FN3K: variants seen among roughly 807,000 people sequenced by gnomAD.
The protein encoded by FN3K is fructosamine 3 kinase.
FN3K carries 24 observed loss-of-function variants against 24.8 expected under a neutral mutation model. The ratio of observed to expected loss-of-function variants is 0.97; its 90% CI spans 0.70 to 1.36. The LOEUF is 1.36. Among genes scored for constraint, FN3K ranks in the 40% most tolerant of loss-of-function variants. The pLI is 0.00. For missense variants in FN3K, 449 were observed against 416.7 expected (o/e 1.08, Z -0.67); for synonymous variants, 192 against 175.2 (o/e 1.10, Z -0.76).
At chr17:82,742,181 A>T (rs769642957) in intron 4 of FN3K, among the ~76,000 whole-genome samples, 1 of 152,148 alleles carries the variant, frequency 6.6e-6, no homozygotes, top group Non-Finnish European at 1.5e-5. Flanking sequence ...CTGGGATTAC[A>T]GGCACGAGCC....
Position 82,750,676 on chromosome 17 carries a change from A to G in FN3K, c.851A>G (p.Asn284Ser). The change falls in exon 6 of 6, where the codon AAC becomes AGC. Residue 284 changes from asparagine to serine, a missense_variant. Transcript: ENST00000300784. Reference sequence around the variant, plus strand: ...CGGCTGCTGCTCTACCAGCTGTTTAACTACCTGAACCACTGGAACCACTTC... The same window carrying G: ...CGGCTGCTGCTCTACCAGCTGTTTAGCTACCTGAACCACTGGAACCACTTC... The part of the protein sequence containing the change: ...DQRLLLYQLF[N>S]YLNHWNHFGR... 6.2e-7 allele frequency: 1 copy of G among 1,613,830 alleles called. No homozygotes were observed. Among genetic ancestry groups the G allele is most frequent in the Middle Eastern group, 1.6e-4 (1 of 6,062 alleles).
intron 2 of FN3K, 74 bp downstream of exon 2, chr17:82,738,714 A>G (rs1239284054): frequency 1.3e-6 from 2 of 1,577,588 alleles, no homozygotes; most frequent in Non-Finnish European, 1.7e-6. Flanking sequence ...AGAGAGAGAC[A>G]GAGAAAGGGA....
chr17:82,736,861 C>T (rs1568066682), intron 1 of FN3K, among the ~76,000 whole-genome samples: 1 of 152,234 alleles, frequency 6.6e-6, no homozygotes, highest in Non-Finnish European at 1.5e-5. Flanking sequence ...AGGCTTCCCA[C>T]GGGCTCTGGG....
intron 2 of FN3K, among the ~76,000 whole-genome samples, chr17:82,739,766 T>C (rs543123479): frequency 1.4e-4 from 21 of 152,238 alleles, no homozygotes; most frequent in African/African-American, 4.8e-4. Context: ...CTAATTTTTG[T>C]ATTTTTAGTA....
At chr17:82,735,821 G>A (rs2046897231) in intron 1 of FN3K, 44 bp downstream of exon 1, 5 of 1,532,974 alleles carry the variant, frequency 3.3e-6, no homozygotes, top group Non-Finnish European at 4.4e-6. Context: ...GTCTCTGCGG[G>A]GCCTGGGAAG....
intron 1 of FN3K, 174 bp from the exon 2 acceptor site, chr17:82,738,315 A>AG: frequency 1.5e-6 from 1 of 682,044 alleles, no homozygotes. Context: ...CTCGTCTCCG[A>AG]CGGGGGGCCC....
At chr17:82,738,925 C>CGTATAT (rs1261335715) in intron 2 of FN3K, among the ~76,000 whole-genome samples, 1 of 104,094 alleles carries the variant, frequency 9.6e-6, no homozygotes, top group African/African-American at 4.1e-5. Context: ...TATATATACA[C>CGTATAT]ATATATATAT....
In FN3K at chr17:82,740,780, G is replaced by C; in HGVS notation, c.311G>C (p.Gly104Ala). The change falls in exon 3 of 6, where the codon GGA becomes GCA. Residue 104 changes from glycine to alanine, a missense_variant. Transcript: ENST00000300784. Reference protein sequence around the residue: ...KSLSSQASKLGEQMADLHLYN... With the variant: ...KSLSSQASKLAEQMADLHLYN... The stretch of plus-strand genomic sequence containing the variant: ...TTCCTCAGTCAAGCATCAAAACTTG[G>C]AGAGCAGATGGCAGATTTGCATCTT... 6.2e-7 allele frequency: 1 copy of C among 1,613,500 alleles called. No individual in the cohort carries two copies. Among genetic ancestry groups the C allele is most frequent in the Non-Finnish European group, 8.5e-7 (1 of 1,179,582 alleles).
At chr17:82,739,156 T>C (rs2046925935) in intron 2 of FN3K, among the ~76,000 whole-genome samples, 1 of 151,498 alleles carries the variant, frequency 6.6e-6, no homozygotes, top group Non-Finnish European at 1.5e-5. Flanking sequence ...CCATGTTGGC[T>C]GAGTTGGTCT....
intron 2 of FN3K, among the ~76,000 whole-genome samples, chr17:82,738,845 G>C (rs952684284): frequency 6.7e-6 from 1 of 150,272 alleles, no homozygotes; most frequent in Non-Finnish European, 1.5e-5. Context: ...GAGATAAAAA[G>C]TTACTGCTTT....
At chr17:82,750,354 G>A in intron 5 of FN3K, 63 bp from the exon 6 acceptor site, 2 of 1,439,062 alleles carry the variant, frequency 1.4e-6, no homozygotes, top group Non-Finnish European at 2.0e-6. Context: ...TTATTTCCAA[G>A]AACGAGGTGA....
At chr17:82,743,910 G>A (rs2046954490) in intron 4 of FN3K, among the ~76,000 whole-genome samples, 3 of 152,238 alleles carry the variant, frequency 2.0e-5, no homozygotes, top group African/African-American at 4.8e-5. Context: ...GGGTAGCTTG[G>A]AGGATCACAG....
chr17:82,738,246 C>T (rs747957428), intron 1 of FN3K: 1 of 545,400 alleles, frequency 1.8e-6, no homozygotes. Context: ...CCTCCTGTCA[C>T]AGCAGCCTGC....
intron 1 of FN3K, chr17:82,737,722 T>C (rs940269402): frequency 6.6e-6 from 1 of 152,126 alleles, no homozygotes; most frequent in African/African-American, 2.4e-5. Context: ...AGGAGAATCG[T>C]TTGAACCCAG....
chr17:82,750,724 C>A lies in FN3K; in HGVS notation c.899C>A (p.Ser300Tyr), dbSNP rs764959485. ...TTCGGGCGGGAGTACAGGAGCCCTT[C>A]CTTGGGCACCATGCGAAGGCTGCTC... ...NHFGREYRSP[S>Y]LGTMRRLLK Residue 300 changes from serine to tyrosine, a missense_variant, in exon 6 of 6, where the codon TCC (serine) becomes TAC (tyrosine). Coordinates refer to ENST00000300784, the MANE Select transcript of FN3K (RefSeq NM_022158.4). The A allele has an allele frequency of 1.2e-6, 2 of 1,613,524 alleles. No individual in the cohort carries two copies. Among genetic ancestry groups the A allele is most frequent in the Non-Finnish European group, 1.7e-6 (2 of 1,179,952 alleles).
chr17:82,738,938 A>ATGTG (rs2046923677), intron 2 of FN3K, among the ~76,000 whole-genome samples: 1 of 101,788 alleles, frequency 9.8e-6, no homozygotes, highest in African/African-American at 4.1e-5. Context: ...ATATATATAT[A>ATGTG]TATATATATT....
rs1449330106 is a variant in FN3K at position 82,750,859 on chromosome 17, C to T, written c.*104C>T. 8.5e-6 allele frequency: 7 copies of T among 822,126 alleles called. No homozygotes were observed. The highest frequency in any genetic ancestry group is 6.8e-5 in the South Asian group (4 of 59,118). 50.9% of individuals were successfully genotyped at this position (822,126 alleles called of 1,614,324 possible). On this transcript the variant is annotated 3_prime_UTR_variant, in exon 6 of 6. Transcript: ENST00000300784. Reference sequence around the variant, plus strand: ...GCCCCCGTCCCTGTCCCCCTGTTCCCGTCTCCCCGTCCCTCCGTCTCCATC... The same window carrying T: ...GCCCCCGTCCCTGTCCCCCTGTTCCTGTCTCCCCGTCCCTCCGTCTCCATC...
intron 2 of FN3K, among the ~76,000 whole-genome samples, chr17:82,738,916 A>T: frequency 1.1e-5 from 1 of 93,018 alleles, no homozygotes; most frequent in East Asian, 2.7e-4. Flanking sequence ...TAAAATATAT[A>T]TATATACACA....
chr17:82,750,341 G>T (rs1160810819), intron 5 of FN3K, 76 bp from the exon 6 acceptor site: 7 of 1,339,676 alleles, frequency 5.2e-6, no homozygotes, highest in Non-Finnish European at 7.5e-6. Flanking sequence ...AGTGGGCTTT[G>T]CCTTATTTCC....
Sources: gnomAD v4.1 joint callset for allele counts (sites outside exome capture counted in the v4.1 genomes callset) on GRCh38, gnomAD v4.1.1 for gene constraint, MANE v1.5 for transcripts, NCBI Gene and HGNC (gene_info 2026-07-23, HGNC 2026-07-21) for gene names.